Variants in PID1 observed in about 807,000 individuals in gnomAD.
PID1 encodes the protein PTB-containing, cubilin and LRP1-interacting protein.
Under a neutral mutation model 19.1 loss-of-function variants are expected in PID1, and 10 were observed. That is an observed-to-expected ratio of 0.52 (90% CI 0.32 to 0.89). PID1 has a LOEUF of 0.89. PID1 is among the 40% of genes least tolerant of loss of function. The pLI, the probability that PID1 is intolerant of heterozygous loss-of-function variation, is 0.03. For synonymous variants in PID1, 130 were observed against 116.0 expected (o/e 1.12, Z -0.78); for missense variants, 248 against 285.3 (o/e 0.87, Z 0.94).
chr2:229,103,455 GC>G (rs1372227897), intron 2 of PID1, among the ~76,000 whole-genome samples: 1 of 152,140 alleles, frequency 6.6e-6, no homozygotes, highest in Non-Finnish European at 1.5e-5. Context: ...CTCACTGACA[GC>G]CCTACTGGAC....
At chr2:229,074,192 T>C (rs2106204868) in intron 2 of PID1, among the ~76,000 whole-genome samples, 1 of 152,266 alleles carries the variant, frequency 6.6e-6, no homozygotes, top group East Asian at 1.9e-4. Flanking sequence ...AATGCCACAA[T>C]CTGTTCCGTT....
chr2:229,182,560 C>T (rs62190431), intron 1 of PID1, among the ~76,000 whole-genome samples: 4 of 152,040 alleles, frequency 2.6e-5, no homozygotes, highest in Admixed American at 6.6e-5. Flanking sequence ...CTGAAGGCCA[C>T]GGATTCCCAC....
chr2:229,240,817 T>C (rs1249983932), intron 1 of PID1, among the ~76,000 whole-genome samples: 1 of 152,158 alleles, frequency 6.6e-6, no homozygotes, highest in African/African-American at 2.4e-5. Context: ...CCAGTCTTTT[T>C]CTTGTCTCTT....
Position 229,173,247 on chromosome 2 carries a change from C to T in PID1, c.31-17283G>A, listed in dbSNP as rs193019248. On this transcript the variant is annotated intron_variant, in intron 1 of 2. Coordinates refer to ENST00000392055, the MANE Select transcript of PID1 (RefSeq NM_001100818.2). ...GGGTAGGACCTAGCATGGGGTCTGTCCAAATTCAGTGGACCTGAATTGACT... is the reference window on the plus strand; with the variant it reads ...GGGTAGGACCTAGCATGGGGTCTGTTCAAATTCAGTGGACCTGAATTGACT... Among the ~76,000 whole-genome samples, 34 of 152,290 alleles carry T rather than the reference C, an allele frequency of 2.2e-4. No individual in the cohort carries two copies. In the East Asian group the frequency reaches 3.5e-3, roughly 16 times the overall value.
chr2:229,089,214 T>G (rs1412664086), intron 2 of PID1, among the ~76,000 whole-genome samples: 1 of 152,192 alleles, frequency 6.6e-6, no homozygotes, highest in Non-Finnish European at 1.5e-5. Context: ...ACTTGCTGCT[T>G]GCCTGCAGCT....
intron 2 of PID1, among the ~76,000 whole-genome samples, chr2:229,139,210 T>A (rs1426410149): frequency 1.3e-5 from 2 of 152,114 alleles, no homozygotes; most frequent in East Asian, 3.9e-4. Context: ...CATGTATTTT[T>A]AGTTTTGCTT....
At position 229,093,405 on chromosome 2, in the gene PID1, C is replaced by T. The variant is rs192458326; in HGVS notation, c.177+62413G>A. 4.7e-3 allele frequency among the ~76,000 whole-genome samples: 706 copies of T among 151,688 alleles called. 5 individuals carry two copies. Among genetic ancestry groups the T allele is most frequent in the South Asian group, 7.9e-3 (38 of 4,812 alleles). ...TCCCCAAGTGCTGGGATTACAGGAG[C>T]GAGCCATCAAGCCTCGCCCCCTTTT... On this transcript the variant is annotated intron_variant, in intron 2 of 2. Transcript: ENST00000392055.
At chr2:229,079,583 A>T (rs1303988156) in intron 2 of PID1, among the ~76,000 whole-genome samples, 1 of 152,180 alleles carries the variant, frequency 6.6e-6, no homozygotes, top group Non-Finnish European at 1.5e-5. Flanking sequence ...TTAAGTGTCT[A>T]TGGCACTCAA....
intron 2 of PID1, among the ~76,000 whole-genome samples, chr2:229,028,997 A>T (rs1693486035): frequency 6.6e-6 from 1 of 152,032 alleles, no homozygotes; most frequent in African/African-American, 2.4e-5. Flanking sequence ...CCACTTGCTT[A>T]CTCACTTATA....
At chr2:229,051,088 C>A (rs1693986938) in intron 2 of PID1, among the ~76,000 whole-genome samples, 1 of 152,122 alleles carries the variant, frequency 6.6e-6, no homozygotes, top group African/African-American at 2.4e-5. Context: ...TCAATGATCA[C>A]CATAACTCCT....
At chr2:229,208,580 C>T (rs1463222383) in intron 1 of PID1, among the ~76,000 whole-genome samples, 1 of 152,236 alleles carries the variant, frequency 6.6e-6, no homozygotes, top group Non-Finnish European at 1.5e-5. Context: ...GCATTCCCTT[C>T]ACTGTTTCCT....
chr2:229,081,984 T>G, intron 2 of PID1, among the ~76,000 whole-genome samples: 1 of 152,316 alleles, frequency 6.6e-6, no homozygotes, highest in Non-Finnish European at 1.5e-5. Flanking sequence ...CAGCAACACT[T>G]AAGTCAAGAG....
At chr2:229,157,104 A>G (rs1326470132) in intron 1 of PID1, among the ~76,000 whole-genome samples, 1 of 152,168 alleles carries the variant, frequency 6.6e-6, no homozygotes. Context: ...ATGTGCCTAC[A>G]GCCTGTGCTT....
intron 1 of PID1, among the ~76,000 whole-genome samples, chr2:229,218,029 C>T (rs1017064599): frequency 5.3e-5 from 8 of 152,164 alleles, no homozygotes; most frequent in Admixed American, 3.3e-4. Flanking sequence ...TGAGTGTTTC[C>T]TCGGCTGTGC....
chr2:229,211,047 A>C (rs1177048986), intron 1 of PID1, among the ~76,000 whole-genome samples: 1 of 152,212 alleles, frequency 6.6e-6, no homozygotes, highest in African/African-American at 2.4e-5. Flanking sequence ...ACAACGAAGA[A>C]ATATTTACTG....
intron 2 of PID1, among the ~76,000 whole-genome samples, chr2:229,100,154 T>A (rs1240954200): frequency 6.6e-6 from 1 of 152,188 alleles, no homozygotes; most frequent in East Asian, 1.9e-4. Flanking sequence ...ATCTTGGACT[T>A]CCAGCTTTCA....
intron 2 of PID1, among the ~76,000 whole-genome samples, chr2:229,151,941 C>CCCTGCAAGTCTCAATGAAAGGA (rs1432379564): frequency 2.0e-5 from 3 of 152,124 alleles, no homozygotes; most frequent in African/African-American, 7.2e-5. Flanking sequence ...CAGTGAATGG[C>CCCTGCAAGTCTCAATGAAAGGA]CCTGCAAGTC....
At chr2:229,127,217 C>T (rs1240327132) in intron 2 of PID1, among the ~76,000 whole-genome samples, 1 of 152,158 alleles carries the variant, frequency 6.6e-6, no homozygotes, top group Non-Finnish European at 1.5e-5. Flanking sequence ...GGGGACTCCC[C>T]CTCTCTCTTG....
At chr2:229,138,217 A>G (rs1689895566) in intron 2 of PID1, among the ~76,000 whole-genome samples, 1 of 152,126 alleles carries the variant, frequency 6.6e-6, no homozygotes. Context: ...CAGAAGGGGG[A>G]AGAAAACAGC....
Sources: allele counts gnomAD v4.1 joint callset (sites outside exome capture counted in the v4.1 genomes callset), GRCh38; gene constraint gnomAD v4.1.1; transcripts MANE v1.5; gene names NCBI Gene and HGNC (gene_info 2026-07-23, HGNC 2026-07-21).